The following TBCD variants were observed in gnomAD, a reference collection of about 807,000 sequenced individuals.
The protein encoded by TBCD is tubulin-specific chaperone D.
A neutral mutation model predicts 169.3 loss-of-function variants in TBCD; 105 were observed. The observed-to-expected ratio is 0.62, with a 90% CI of 0.53 to 0.73. The LOEUF is 0.73. Among genes scored for constraint, TBCD ranks in the 30% least tolerant of loss-of-function variants. The probability of loss-of-function intolerance (pLI) is 0.00; values close to 1 mark genes in which losing one functional copy is unlikely to be tolerated. For synonymous variants in TBCD, 700 were observed against 643.9 expected, an observed-to-expected ratio of 1.09 and a Z score of -1.32; for missense variants, 1,444 against 1,600.1, an observed-to-expected ratio of 0.90 and a Z score of 1.66.
chr17:82,917,641 G>A (rs1169414542), intron 23 of TBCD, among the ~76,000 whole-genome samples: 1 of 152,200 alleles, frequency 6.6e-6, no homozygotes, highest in African/African-American at 2.4e-5. Flanking sequence ...TTGCTGTCGG[G>A]GTCACCTCCA....
chr17:82,766,348 C>A lies in TBCD; in HGVS notation c.415C>A (p.Gln139Lys). ...VEPVLDLVTI[Q>K]NPKDHEAWET... ...GCCTGTTTTAGATTTGGTCACAATT[C>A]AGAATCCCAAGGACCATGAAGTGAG... Residue 139 changes from glutamine to lysine, a missense_variant, in exon 4 of 39, where the codon CAG (glutamine) becomes AAG (lysine). Gln to Lys is a moderately conservative substitution (Grantham distance 53). Transcript: ENST00000355528. 1 of 1,612,566 alleles carries A rather than the reference C, an allele frequency of 6.2e-7. No homozygotes were observed. The highest frequency in any genetic ancestry group is 1.1e-5 in the South Asian group (1 of 90,674).
intron 13 of TBCD, chr17:82,859,607 T>TGA: frequency 4.1e-6 from 4 of 984,882 alleles, no homozygotes; most frequent in Non-Finnish European, 3.6e-6. Context: ...ACTCCAAGTG[T>TGA]GAGCCCTGTA....
chr17:82,837,989 G>C (rs2054129333), intron 13 of TBCD, among the ~76,000 whole-genome samples: 1 of 152,252 alleles, frequency 6.6e-6, no homozygotes, highest in South Asian at 2.1e-4. Context: ...CATATTTACA[G>C]ATGCCACTCT....
intron 6 of TBCD, among the ~76,000 whole-genome samples, chr17:82,776,235 C>T (rs796506502): frequency 1.7e-4 from 26 of 151,896 alleles, no homozygotes; most frequent in South Asian, 6.2e-4. Flanking sequence ...AAAAGAGGTA[C>T]GCTGTATGCA....
chr17:82,798,007 C>A (rs1320136864), intron 8 of TBCD, among the ~76,000 whole-genome samples: 1 of 130,356 alleles, frequency 7.7e-6, no homozygotes, highest in Non-Finnish European at 1.6e-5. Context: ...GACTGAGTCT[C>A]CCTCTGTTGC....
intron 13 of TBCD, among the ~76,000 whole-genome samples, chr17:82,850,079 TGTGC>T (rs2055587319): frequency 1.0e-5 from 1 of 100,282 alleles, no homozygotes; most frequent in South Asian, 3.6e-4. Flanking sequence ...TTGGCTGTGC[TGTGC>T]TGCTGTTGGC....
At chr17:82,762,415 G>C (rs1271434741) in intron 2 of TBCD, among the ~76,000 whole-genome samples, 1 of 151,978 alleles carries the variant, frequency 6.6e-6, no homozygotes, top group Non-Finnish European at 1.5e-5. Context: ...ATACGCATGT[G>C]TGGAATTGCT....
At chr17:82,877,225 G>A (rs777220240) in intron 14 of TBCD, among the ~76,000 whole-genome samples, 4 of 152,172 alleles carry the variant, frequency 2.6e-5, no homozygotes, top group East Asian at 3.8e-4. Context: ...CCTAGAACAC[G>A]TGGCTTTACA....
At position 82,870,272 on chromosome 17, in the gene TBCD, C is replaced by G; in HGVS notation, c.1367C>G (p.Ala456Gly). The change falls in exon 14 of 39, where the codon GCC becomes GGC. Residue 456 changes from alanine to glycine, a missense_variant. Transcript: ENST00000355528. ...KALTYDEKRG[A>G]CSVGTNVRDA... ...CTGACCTACGACGAGAAGCGGGGTG[C>G]CTGCAGCGTGGGCACCAACGTCAGG... The G allele has an allele frequency of 6.2e-7, 1 of 1,613,548 alleles. No individual in the cohort carries two copies. The highest frequency in any genetic ancestry group is 8.5e-7 in the Non-Finnish European group (1 of 1,179,870).
In TBCD at chr17:82,924,950, A is replaced by G. The variant is rs1382341570; in HGVS notation, c.2272A>G (p.Thr758Ala). The G allele has an allele frequency of 6.4e-7, 1 of 1,564,084 alleles. No individual in the cohort carries two copies. The highest frequency in any genetic ancestry group is 8.7e-7 in the Non-Finnish European group (1 of 1,153,250). The change falls in exon 27 of 39, where the codon ACG becomes GCG. Residue 758 changes from threonine to alanine, a missense_variant. Coordinates refer to ENST00000355528, the MANE Select transcript of TBCD (RefSeq NM_005993.5). ...ADPAIQEELITQYLAELRNPE... is the reference protein window; with the variant it reads ...ADPAIQEELIAQYLAELRNPE... ...TTGCTTCCTTTCAGAGGAGCTGATC[A>G]CGCAGTACCTGGCTGAGCTTCGGAA...
At chr17:82,776,308 G>T (rs1262520555) in intron 6 of TBCD, among the ~76,000 whole-genome samples, 1 of 152,150 alleles carries the variant, frequency 6.6e-6, no homozygotes, top group Non-Finnish European at 1.5e-5. Context: ...TATTCCGAAG[G>T]CTGGGTGGGA....
intron 1 of TBCD, among the ~76,000 whole-genome samples, chr17:82,752,835 G>A (rs2047183698): frequency 6.6e-6 from 1 of 152,180 alleles, no homozygotes. Context: ...GGGAGATAGG[G>A]AATGAGAGAG....
intron 7 of TBCD, chr17:82,795,497 T>C (rs2050036263): frequency 4.1e-6 from 4 of 983,382 alleles, no homozygotes; most frequent in African/African-American, 3.5e-5. Flanking sequence ...CGGTCTTCGT[T>C]GTTGAGCACT....
At chr17:82,862,562 A>G (rs1162742573) in intron 13 of TBCD, among the ~76,000 whole-genome samples, 20 of 152,110 alleles carry the variant, frequency 1.3e-4, no homozygotes, top group Admixed American at 1.3e-3. Flanking sequence ...TCTTAGAGAA[A>G]AGTGTTTCAA....
chr17:82,912,297 C>T (rs886187698), intron 23 of TBCD, among the ~76,000 whole-genome samples: 3 of 152,240 alleles, frequency 2.0e-5, no homozygotes, highest in African/African-American at 7.2e-5. Flanking sequence ...CGAACCTCTG[C>T]GCCTGATTCC....
At chr17:82,807,697 C>G in intron 11 of TBCD, 29 bp downstream of exon 11, 1 of 1,435,566 alleles carries the variant, frequency 7.0e-7, no homozygotes, top group African/African-American at 1.4e-5. Flanking sequence ...AGAAGCACCC[C>G]GGGGGGTGGG....
chr17:82,802,752 C>T (rs948318155), intron 9 of TBCD, among the ~76,000 whole-genome samples: 2 of 144,574 alleles, frequency 1.4e-5, no homozygotes, highest in African/African-American at 5.4e-5. Context: ...GGTCCTCTGC[C>T]TGACTTTGTC....
intron 13 of TBCD, among the ~76,000 whole-genome samples, chr17:82,822,610 A>G (rs601555): frequency 0.58 from 87,820 of 152,058 alleles, 25,608 homozygotes; most frequent in South Asian, 0.65. Context: ...ACATAAAGTC[A>G]GATACTGGGG....
At chr17:82,836,312 A>C (rs2053968384) in intron 13 of TBCD, among the ~76,000 whole-genome samples, 2 of 152,246 alleles carry the variant, frequency 1.3e-5, no homozygotes, top group Non-Finnish European at 2.9e-5. Flanking sequence ...GAACCTCTGC[A>C]AGTCAGGTTC....
Sources: gnomAD v4.1 joint callset for allele counts (sites outside exome capture counted in the v4.1 genomes callset) on GRCh38, gnomAD v4.1.1 for gene constraint, MANE v1.5 for transcripts, NCBI Gene and HGNC (gene_info 2026-07-23, HGNC 2026-07-21) for gene names.